The following PTPRT variants were observed in gnomAD, a reference collection of about 807,000 sequenced individuals.
The protein encoded by PTPRT is receptor-type tyrosine-protein phosphatase T.
In PTPRT, 56 loss-of-function variants were observed where a neutral mutation model predicts 176.8. The observed-to-expected ratio is 0.32, with a 90% confidence interval of 0.26 to 0.40. The LOEUF (loss-of-function observed/expected upper bound fraction) is 0.40, where lower values mean the gene tolerates loss of function less well. Among genes scored for constraint, PTPRT ranks in the 10% least tolerant of loss-of-function variants. The probability of loss-of-function intolerance (pLI) is 1.00; values close to 1 mark genes in which losing one functional copy is unlikely to be tolerated. For synonymous variants in PTPRT, 783 were observed against 739.0 expected, an observed-to-expected ratio of 1.06 and a Z score of -0.96; for missense variants, 1,540 against 1,908.2, an observed-to-expected ratio of 0.81 and a Z score of 3.60.
At chr20:42,188,678 T>C (rs1990875563) in intron 16 of PTPRT, among the ~76,000 whole-genome samples, 1 of 152,182 alleles carries the variant, frequency 6.6e-6, no homozygotes, top group Non-Finnish European at 1.5e-5. Context: ...ACTATATATT[T>C]ACATCGTCAA....
rs117712620 is a variant in PTPRT, at chr20:42,121,480, A to T, written c.2848-1509T>A. Among the ~76,000 whole-genome samples, 1,432 of 152,214 alleles carry T rather than the reference A, an allele frequency of 9.4e-3. 10 individuals carry two copies. Among genetic ancestry groups the T allele is most frequent in the Middle Eastern group, 0.031 (9 of 294 alleles). Reference sequence around the variant, plus strand: ...ATACCCAATAAACAAGCTGTTGACAAACCAACTAGGCAGGCAACACAGCAT... The same window carrying T: ...ATACCCAATAAACAAGCTGTTGACATACCAACTAGGCAGGCAACACAGCAT... On this transcript the variant is annotated intron_variant, in intron 19 of 30. Transcript: ENST00000373187.
At chr20:42,851,907 A>G (rs927155515) in intron 2 of PTPRT, among the ~76,000 whole-genome samples, 2 of 152,230 alleles carry the variant, frequency 1.3e-5, no homozygotes, top group African/African-American at 2.4e-5. Flanking sequence ...TGATTTTCCT[A>G]ACAGCATTAA....
At chr20:42,517,216 A>T (rs118144375) in intron 7 of PTPRT, among the ~76,000 whole-genome samples, 1,558 of 152,082 alleles carry the variant, frequency 0.01, 56 homozygotes, top group East Asian at 0.078. Flanking sequence ...TCCTTTAAAG[A>T]TTACAGGACT....
In PTPRT at chr20:43,177,704, G is replaced by A. The variant is rs147574661; in HGVS notation, c.88+11942C>T. Among the ~76,000 whole-genome samples the A allele has an allele frequency of 1.1e-3, 169 of 152,290 alleles. 3 individuals are homozygous for A. Among genetic ancestry groups the A allele is most frequent in the African/African-American group, 3.6e-3 (149 of 41,554 alleles). ...CATTTAAATATATGTTAAATATTTC[G>A]TATGTGGGAAGAGGAAAAGATAATA... On this transcript the variant is annotated intron_variant, in intron 1 of 30. Transcript: ENST00000373187.
At chr20:42,621,397 A>G (rs1045713816) in intron 7 of PTPRT, among the ~76,000 whole-genome samples, 4 of 152,210 alleles carry the variant, frequency 2.6e-5, no homozygotes, top group Non-Finnish European at 5.9e-5. Flanking sequence ...TCCCCACCAC[A>G]TAGCCAAATT....
At chr20:42,258,415 C>T (rs1391718618) in intron 13 of PTPRT, among the ~76,000 whole-genome samples, 1 of 152,182 alleles carries the variant, frequency 6.6e-6, no homozygotes, top group Non-Finnish European at 1.5e-5. Flanking sequence ...ATATCAACCA[C>T]CACCTCCAAG....
intron 12 of PTPRT, among the ~76,000 whole-genome samples, chr20:42,301,463 T>C (rs1250751657): frequency 2.6e-5 from 4 of 152,084 alleles, no homozygotes; most frequent in Admixed American, 6.6e-5. Flanking sequence ...TGGACCAGGT[T>C]TTTTTTTGTT....
intron 18 of PTPRT, among the ~76,000 whole-genome samples, chr20:42,138,221 G>T (rs995680022): frequency 6.6e-6 from 1 of 152,354 alleles, no homozygotes; most frequent in Non-Finnish European, 1.5e-5. Flanking sequence ...TAGGTCAACA[G>T]ATCTCCTGTT....
chr20:42,706,964 G>T (rs1056539675), intron 6 of PTPRT, among the ~76,000 whole-genome samples: 2 of 152,084 alleles, frequency 1.3e-5, no homozygotes, highest in East Asian at 3.8e-4. Flanking sequence ...CAGGGAAACA[G>T]GGAGAATGCA....
At chr20:43,103,709 C>T (rs1487579379) in intron 1 of PTPRT, among the ~76,000 whole-genome samples, 1 of 151,328 alleles carries the variant, frequency 6.6e-6, no homozygotes, top group Non-Finnish European at 1.5e-5. Context: ...CCCTGCACAA[C>T]AAAATCTTAT....
intron 9 of PTPRT, among the ~76,000 whole-genome samples, chr20:42,407,936 T>C (rs1467394911): frequency 6.6e-6 from 1 of 152,118 alleles, no homozygotes; most frequent in Admixed American, 6.6e-5. Context: ...TTGATGGGAA[T>C]GGTTCTAAAC....
intron 7 of PTPRT, among the ~76,000 whole-genome samples, chr20:42,583,996 G>T (rs553514652): frequency 2.0e-5 from 3 of 152,100 alleles, no homozygotes; most frequent in Non-Finnish European, 4.4e-5. Context: ...ATGCAGGCAC[G>T]CCAGTTAACT....
Position 42,861,026 on chromosome 20 carries a change from A to C in PTPRT, c.214+24781T>G, listed in dbSNP as rs1275154331. Reference sequence around the variant, plus strand: ...CCTCCATCACCACTTTCACCCACCAACCTAGACATAGTGGTCTGTAGTCTG... The same window carrying C: ...CCTCCATCACCACTTTCACCCACCACCCTAGACATAGTGGTCTGTAGTCTG... On this transcript the variant is annotated intron_variant, in intron 2 of 30. Transcript: ENST00000373187. 4.6e-5 allele frequency among the ~76,000 whole-genome samples: 7 copies of C among 152,216 alleles called. No homozygotes were observed. In the East Asian group the frequency reaches 1.4e-3, roughly 29 times the overall value.
At chr20:43,042,121 A>C (rs1986631799) in intron 1 of PTPRT, among the ~76,000 whole-genome samples, 1 of 152,220 alleles carries the variant, frequency 6.6e-6, no homozygotes, top group South Asian at 2.1e-4. Flanking sequence ...GGAACAAGAC[A>C]TGTTAAAGGC....
At chr20:42,954,691 T>C (rs1483065919) in intron 1 of PTPRT, among the ~76,000 whole-genome samples, 2 of 152,002 alleles carry the variant, frequency 1.3e-5, no homozygotes, top group South Asian at 2.1e-4. Flanking sequence ...CAAAAGAGAT[T>C]TCCTGTTGCA....
At chr20:42,610,484 G>T (rs60073020) in intron 7 of PTPRT, among the ~76,000 whole-genome samples, 18,132 of 151,606 alleles carry the variant, frequency 0.12, 2,689 homozygotes, top group African/African-American at 0.35. Context: ...CCTCCCAAAG[G>T]GCTGGGATTA....
intron 6 of PTPRT, among the ~76,000 whole-genome samples, chr20:42,700,970 C>T (rs1281111945): frequency 2.0e-5 from 3 of 152,192 alleles, no homozygotes; most frequent in Non-Finnish European, 4.4e-5. Context: ...GGGCGGTCCA[C>T]ACTGATTAAT....
chr20:42,912,326 T>C (rs1332086115), intron 1 of PTPRT, among the ~76,000 whole-genome samples: 7 of 152,220 alleles, frequency 4.6e-5, no homozygotes, highest in African/African-American at 1.7e-4. Context: ...TGAATGTTTT[T>C]TATAAGTTCA....
At chr20:42,403,428 C>T (rs888448730) in intron 9 of PTPRT, among the ~76,000 whole-genome samples, 1 of 152,106 alleles carries the variant, frequency 6.6e-6, no homozygotes, top group African/African-American at 2.4e-5. Flanking sequence ...CACAGATAAA[C>T]AGATACCTTC....
Sources: allele counts gnomAD v4.1 joint callset (sites outside exome capture counted in the v4.1 genomes callset), GRCh38; gene constraint gnomAD v4.1.1; transcripts MANE v1.5; gene names NCBI Gene and HGNC (gene_info 2026-07-23, HGNC 2026-07-21).